The following ASCC1 variants were observed in gnomAD, a reference collection of about 807,000 sequenced individuals.
The protein encoded by ASCC1 is ASC-1 complex subunit P50.
ASCC1 carries 35 observed loss-of-function variants against 46.6 expected under a neutral mutation model. That is an observed-to-expected ratio of 0.75 (90% CI 0.57 to 0.99). ASCC1 has a LOEUF of 0.99. Ranked by LOEUF, ASCC1 falls within the 50% of genes least tolerant of loss-of-function variation. The pLI is 0.00. For missense variants in ASCC1, 376 were observed against 428.7 expected (o/e 0.88, Z 1.09); for synonymous variants, 143 against 146.6 (o/e 0.98, Z 0.18).
intron 7 of ASCC1, among the ~76,000 whole-genome samples, chr10:72,147,433 A>G (rs1384086084): frequency 6.6e-6 from 1 of 151,952 alleles, no homozygotes; most frequent in Admixed American, 6.6e-5. Flanking sequence ...TTATATTTTT[A>G]GTAGAGACAA....
intron 4 of ASCC1, among the ~76,000 whole-genome samples, chr10:72,200,781 A>G (rs1241442075): frequency 6.6e-6 from 1 of 152,180 alleles, no homozygotes; most frequent in Non-Finnish European, 1.5e-5. Flanking sequence ...TAATTCTAAT[A>G]AACTGAATAT....
At chr10:72,162,328 G>A (rs191278017) in intron 5 of ASCC1, among the ~76,000 whole-genome samples, 64 of 151,758 alleles carry the variant, frequency 4.2e-4, no homozygotes, top group African/African-American at 1.4e-3. Context: ...CCGCCACCAC[G>A]CCCGGCTAAT....
chr10:72,171,250 G>T (rs3998478), intron 5 of ASCC1, among the ~76,000 whole-genome samples: 3,695 of 152,194 alleles, frequency 0.024, 177 homozygotes, highest in African/African-American at 0.085. Flanking sequence ...TCTTCTGGAG[G>T]TCAGAAGTCT....
chr10:72,150,583 G>A (rs937743097), intron 7 of ASCC1, among the ~76,000 whole-genome samples: 5 of 152,300 alleles, frequency 3.3e-5, no homozygotes, highest in East Asian at 3.9e-4. Context: ...CTTAGAAATC[G>A]CCTCAACTGC....
At chr10:72,116,269 G>A (rs1843482281) in intron 9 of ASCC1, among the ~76,000 whole-genome samples, 1 of 152,124 alleles carries the variant, frequency 6.6e-6, no homozygotes, top group Non-Finnish European at 1.5e-5. Context: ...AGCATTCTTT[G>A]GCTGAACTTC....
Position 72,152,906 on chromosome 10 carries a change from G to A in ASCC1, c.709C>T (p.Leu237Phe). The A allele has an allele frequency of 6.2e-7, 1 of 1,614,090 alleles. No homozygotes were observed. Among genetic ancestry groups the A allele is most frequent in the East Asian group, 2.2e-5 (1 of 44,860 alleles). ...MNDDPGMVDV[L>F]YAKVHMKDGS... Reference sequence around the variant, plus strand: ...TCTTTCATATGGACTTTGGCGTAAAGAACATCCACCATGCCAGGATCATCA... The same window carrying A: ...TCTTTCATATGGACTTTGGCGTAAAAAACATCCACCATGCCAGGATCATCA... Residue 237 changes from leucine (L) to phenylalanine (F), a missense_variant, in exon 7 of 10, where the codon CTT becomes TTT. Physicochemically the swap from Leu to Phe is conservative, Grantham distance 22 (BLOSUM62 0). Transcript: ENST00000672957.
chr10:72,190,187 A>G, intron 5 of ASCC1: 1 of 763,990 alleles, frequency 1.3e-6, no homozygotes, highest in South Asian at 1.3e-5. Context: ...AACTTACGGC[A>G]AGCCTGTCCA....
At chr10:72,178,592 C>T (rs1485999379) in intron 5 of ASCC1, among the ~76,000 whole-genome samples, 1 of 152,140 alleles carries the variant, frequency 6.6e-6, no homozygotes, top group Admixed American at 6.5e-5. Flanking sequence ...CAAGAGCCTC[C>T]AGATGAGATA....
At chr10:72,167,964 G>A (rs1850576352) in intron 5 of ASCC1, among the ~76,000 whole-genome samples, 1 of 152,142 alleles carries the variant, frequency 6.6e-6, no homozygotes, top group African/African-American at 2.4e-5. Flanking sequence ...GCCGAGGCAG[G>A]GGGATCACGA....
Position 72,096,779 on chromosome 10 carries a change from G to A in ASCC1, c.*555C>T, listed in dbSNP as rs1841137987. On this transcript the variant is annotated 3_prime_UTR_variant, in exon 10 of 10. Coordinates refer to ENST00000672957, the MANE Select transcript of ASCC1 (RefSeq NM_001198800.3). Reference sequence around the variant, plus strand: ...TGACACAACATGGATGAACCTTGAGGACATTATGCTAAGTGAAATAAGCCA... The same window carrying A: ...TGACACAACATGGATGAACCTTGAGAACATTATGCTAAGTGAAATAAGCCA... 1 of 453,962 alleles carries A rather than the reference G, an allele frequency of 2.2e-6. No individual in the cohort carries two copies. The highest frequency in any genetic ancestry group is 2.3e-5 in the Admixed American group (1 of 42,554). 28.1% of individuals were successfully genotyped at this position (453,962 alleles called of 1,614,324 possible).
intron 5 of ASCC1, among the ~76,000 whole-genome samples, chr10:72,175,590 A>G (rs1212213792): frequency 6.6e-6 from 1 of 152,252 alleles, no homozygotes; most frequent in African/African-American, 2.4e-5. Context: ...AAGAAAGTGG[A>G]GAGGTTCTTA....
Position 72,144,298 on chromosome 10 carries a change from T to C in ASCC1, c.746+8571A>G, listed in dbSNP as rs868137094. Among the ~76,000 whole-genome samples the C allele has an allele frequency of 5.9e-5, 9 of 152,330 alleles. 1 individual carries two copies. Among genetic ancestry groups the C allele is most frequent in the South Asian group, 4.1e-4 (2 of 4,828 alleles). On this transcript the variant is annotated intron_variant, in intron 7 of 9. Coordinates refer to ENST00000672957, the MANE Select transcript of ASCC1 (RefSeq NM_001198800.3). The stretch of plus-strand genomic sequence containing the variant: ...CTGCATTTTTTCTTTAAGTTTATCA[T>C]GTCTGATATTAATTCAGTTACGCCA...
chr10:72,160,945 C>CAT (rs1564671530), intron 6 of ASCC1, among the ~76,000 whole-genome samples: 1 of 151,512 alleles, frequency 6.6e-6, no homozygotes, highest in African/African-American at 2.4e-5. Context: ...TAGCCGGACG[C>CAT]GGTGGCGGGC....
At chr10:72,157,545 A>C (rs1043545066) in intron 6 of ASCC1, among the ~76,000 whole-genome samples, 16 of 152,180 alleles carry the variant, frequency 1.1e-4, no homozygotes, top group Non-Finnish European at 2.1e-4. Flanking sequence ...ATCTTCTGCA[A>C]AATTCCTGTT....
At chr10:72,165,960 G>C (rs1382618437) in intron 5 of ASCC1, among the ~76,000 whole-genome samples, 1 of 152,162 alleles carries the variant, frequency 6.6e-6, no homozygotes, top group Non-Finnish European at 1.5e-5. Context: ...GCAATGTATA[G>C]ACAAATATCT....
chr10:72,195,567 T>A (rs1019680040), intron 5 of ASCC1, among the ~76,000 whole-genome samples: 14 of 151,930 alleles, frequency 9.2e-5, no homozygotes, highest in Admixed American at 3.9e-4. Context: ...TTATTTATTT[T>A]TTTTTTGAGA....
At chr10:72,161,815 A>C in intron 5 of ASCC1, 141 bp from the exon 6 acceptor site, 1 of 870,772 alleles carries the variant, frequency 1.1e-6, no homozygotes, top group Non-Finnish European at 1.8e-6. Context: ...CAATAGAGAA[A>C]GTCTCCTCAA....
chr10:72,107,308 C>A lies in ASCC1; in HGVS notation c.958-9858G>T, dbSNP rs1482544066. ...TTAAGTTCACAAATAAGTTACCCCCCCCCCAAAAAAATAAATTTTGTTTCA... is the reference window on the plus strand; with the variant it reads ...TTAAGTTCACAAATAAGTTACCCCCACCCCAAAAAAATAAATTTTGTTTCA... On this transcript the variant is annotated intron_variant, in intron 9 of 9. Coordinates refer to ENST00000672957, the MANE Select transcript of ASCC1 (RefSeq NM_001198800.3). Among the ~76,000 whole-genome samples the A allele has an allele frequency of 4.7e-5, 7 of 148,308 alleles. No individual in the cohort carries two copies. The East Asian group carries it at 1.0e-3, about 22-fold the overall frequency.
Position 72,096,809 on chromosome 10 carries a change from CAA to C in ASCC1, c.*523_*524del, listed in dbSNP as rs1306983388. ...TATGCTAAGTGAAATAAGCCAGTCA[CAA>C]AAAGACAAGTCACTGTATGATTCCA... is the stretch of plus-strand genomic sequence containing the variant. On this transcript the variant is annotated 3_prime_UTR_variant, in exon 10 of 10. Transcript: ENST00000672957. 3 of 454,046 alleles carry C rather than the reference CAA, an allele frequency of 6.6e-6. No homozygotes were observed. The highest frequency in any genetic ancestry group is 1.3e-5 in the Non-Finnish European group (3 of 226,784). The allele number at this position is 454,046 out of a possible 1,614,324, so 28.1% of individuals were successfully genotyped here.
Sources: gnomAD v4.1 joint callset for allele counts (sites outside exome capture counted in the v4.1 genomes callset) on GRCh38, gnomAD v4.1.1 for gene constraint, MANE v1.5 for transcripts, NCBI Gene and HGNC (gene_info 2026-07-23, HGNC 2026-07-21) for gene names.